The following CNTNAP5 variants were observed in gnomAD, a reference collection of about 807,000 sequenced individuals.
The protein encoded by CNTNAP5 is contactin-associated protein-like 5.
CNTNAP5 carries 72 observed loss-of-function variants against 150.2 expected under a neutral mutation model. The ratio of observed to expected loss-of-function variants is 0.48; its 90% CI spans 0.40 to 0.58. CNTNAP5 has a LOEUF of 0.58. Ranked by LOEUF, CNTNAP5 falls within the 20% of genes least tolerant of loss-of-function variation. The pLI is 0.00. For synonymous variants in CNTNAP5, 672 were observed against 619.8 expected (o/e 1.08, Z -1.25); for missense variants, 1,636 against 1,626.2 (o/e 1.01, Z -0.10).
At chr2:124,532,955 C>T (rs1332901071) in intron 10 of CNTNAP5, among the ~76,000 whole-genome samples, 1 of 152,070 alleles carries the variant, frequency 6.6e-6, no homozygotes, top group East Asian at 1.9e-4. Context: ...AAGTGCCCCG[C>T]CACCCTTTCC....
In CNTNAP5 at chr2:124,881,171, G is replaced by A. The variant is rs74738465; in HGVS notation, c.3436+11409G>A. ...GAGAGCATGGAAAGGAGCTCTCGTGGTCAGAGCTGCTGTTATCAGACTCTC... is the reference window on the plus strand; with the variant it reads ...GAGAGCATGGAAAGGAGCTCTCGTGATCAGAGCTGCTGTTATCAGACTCTC... On this transcript the variant is annotated intron_variant, in intron 21 of 23. Coordinates refer to ENST00000682447, the MANE Select transcript of CNTNAP5 (RefSeq NM_001367498.1). Among the ~76,000 whole-genome samples, 72 of 152,212 alleles carry A rather than the reference G, an allele frequency of 4.7e-4. 1 individual carries two copies. In the East Asian group the frequency reaches 0.012, roughly 26 times the overall value.
intron 13 of CNTNAP5, among the ~76,000 whole-genome samples, chr2:124,706,205 T>C (rs1157527209): frequency 6.6e-6 from 1 of 152,072 alleles, no homozygotes; most frequent in Non-Finnish European, 1.5e-5. Flanking sequence ...AAATAATTAG[T>C]TTTGTAAGGC....
intron 3 of CNTNAP5, among the ~76,000 whole-genome samples, chr2:124,281,829 C>T (rs1205712381): frequency 6.6e-6 from 1 of 152,198 alleles, no homozygotes; most frequent in Non-Finnish European, 1.5e-5. Context: ...TAGAGCTCTA[C>T]TTCCTCAGGC....
At chr2:124,379,533 C>G (rs567324829) in intron 3 of CNTNAP5, among the ~76,000 whole-genome samples, 2 of 152,044 alleles carry the variant, frequency 1.3e-5, no homozygotes, top group African/African-American at 4.8e-5. Context: ...TCTGGACATA[C>G]CACAGTTTAT....
In CNTNAP5 at chr2:124,902,916, A is replaced by G. The variant is rs1678442772; in HGVS notation, c.3471A>G (p.Ala1157=). 12 of 1,611,438 alleles carry G rather than the reference A, an allele frequency of 7.4e-6. No individual in the cohort carries two copies. The highest frequency in any genetic ancestry group is 1.0e-5 in the Non-Finnish European group (12 of 1,177,998). The change falls in exon 22 of 24, where the codon GCA becomes GCG. Residue 1157 remains alanine, a synonymous_variant. Coordinates refer to ENST00000682447, the MANE Select transcript of CNTNAP5 (RefSeq NM_001367498.1). ...GTTTGGATTCTGAAGTTGCTAAAGCAAATGCCATGGGTTTTGCTGGATGCA... is the reference window on the plus strand; with the variant it reads ...GTTTGGATTCTGAAGTTGCTAAAGCGAATGCCATGGGTTTTGCTGGATGCA... The part of the protein sequence containing the change: ...NLGLDSEVAK[A]NAMGFAGCMS...
At chr2:124,541,660 G>T (rs1452831519) in intron 10 of CNTNAP5, among the ~76,000 whole-genome samples, 1 of 152,106 alleles carries the variant, frequency 6.6e-6, no homozygotes, top group African/African-American at 2.4e-5. Context: ...AAATAATAAG[G>T]AAGGGAATAC....
chr2:124,304,362 G>A (rs576849879), intron 3 of CNTNAP5, among the ~76,000 whole-genome samples: 50 of 151,170 alleles, frequency 3.3e-4, no homozygotes, highest in African/African-American at 1.1e-3. Context: ...AATATGAGAG[G>A]GGATAACCAC....
At chr2:124,435,002 G>C (rs1056426783) in intron 5 of CNTNAP5, among the ~76,000 whole-genome samples, 9 of 152,122 alleles carry the variant, frequency 5.9e-5, no homozygotes, top group South Asian at 4.1e-4. Flanking sequence ...TTATAAGGAG[G>C]CTTGCTCAGA....
At chr2:124,443,099 G>A (rs543974084) in intron 5 of CNTNAP5, among the ~76,000 whole-genome samples, 38 of 152,054 alleles carry the variant, frequency 2.5e-4, no homozygotes, top group African/African-American at 8.9e-4. Context: ...ATACGCTTGT[G>A]CCCAAGCGAG....
intron 10 of CNTNAP5, among the ~76,000 whole-genome samples, chr2:124,554,964 A>G (rs919705498): frequency 3.9e-5 from 6 of 152,212 alleles, no homozygotes; most frequent in Non-Finnish European, 7.3e-5. Flanking sequence ...TTAAAAATTA[A>G]AAACTCAATG....
chr2:124,243,667 G>A (rs1686943351), intron 3 of CNTNAP5, among the ~76,000 whole-genome samples: 1 of 152,102 alleles, frequency 6.6e-6, no homozygotes, highest in African/African-American at 2.4e-5. Context: ...GAAGGGAGAG[G>A]TTGGGAGGAC....
At position 124,530,838 on chromosome 2, in the gene CNTNAP5, C is replaced by G. The variant is rs562494021; in HGVS notation, c.1649+3382C>G. 6.4e-4 allele frequency among the ~76,000 whole-genome samples: 97 copies of G among 152,272 alleles called. 1 individual carries two copies. Among genetic ancestry groups the G allele is most frequent in the African/African-American group, 1.9e-3 (80 of 41,548 alleles). On this transcript the variant is annotated intron_variant, in intron 10 of 23. Transcript: ENST00000682447. ...GGCCAAACCACCAGCCTCATAATCT[C>G]TACACCCTAAGCCCCTGTCCTTCAT...
chr2:124,149,189 T>C (rs1002045483), intron 1 of CNTNAP5, among the ~76,000 whole-genome samples: 1 of 152,056 alleles, frequency 6.6e-6, no homozygotes, highest in African/African-American at 2.4e-5. Flanking sequence ...AGTTAGTCTG[T>C]TCATAGCCCT....
At chr2:124,884,526 T>C (rs1163019911) in intron 21 of CNTNAP5, among the ~76,000 whole-genome samples, 2 of 152,066 alleles carry the variant, frequency 1.3e-5, no homozygotes, top group African/African-American at 2.4e-5. Flanking sequence ...AAAGGAAGTG[T>C]CTGGAATGCA....
chr2:124,518,088 C>G (rs535650950), intron 8 of CNTNAP5, among the ~76,000 whole-genome samples: 192 of 152,074 alleles, frequency 1.3e-3, no homozygotes, highest in African/African-American at 4.4e-3. Flanking sequence ...AAATAATAAG[C>G]CAGTCCAGAA....
At chr2:124,163,851 G>T (rs1684745508) in intron 1 of CNTNAP5, among the ~76,000 whole-genome samples, 1 of 104,036 alleles carries the variant, frequency 9.6e-6, no homozygotes, top group African/African-American at 3.5e-5. Flanking sequence ...TATTGCTTCT[G>T]CATGCCTCTA....
chr2:124,721,967 C>T (rs930640210), intron 13 of CNTNAP5, among the ~76,000 whole-genome samples: 1 of 152,056 alleles, frequency 6.6e-6, no homozygotes, highest in East Asian at 1.9e-4. Flanking sequence ...AGCCTTTCTT[C>T]TCTGCTTGCA....
At chr2:124,435,368 A>C (rs1263635194) in intron 5 of CNTNAP5, among the ~76,000 whole-genome samples, 1 of 152,112 alleles carries the variant, frequency 6.6e-6, no homozygotes, top group African/African-American at 2.4e-5. Context: ...CCAGAGAAGG[A>C]GGAGAGAGGC....
intron 5 of CNTNAP5, among the ~76,000 whole-genome samples, chr2:124,445,081 CTTTTTTTTTT>C (rs1006938474): frequency 7.6e-6 from 1 of 131,840 alleles, no homozygotes; most frequent in African/African-American, 2.8e-5. Context: ...ACACAAATAT[CTTTTTTTTTT>C]TTTTTTTTTT....
Sources: gnomAD v4.1 joint callset for allele counts (sites outside exome capture counted in the v4.1 genomes callset) on GRCh38, gnomAD v4.1.1 for gene constraint, MANE v1.5 for transcripts, NCBI Gene and HGNC (gene_info 2026-07-23, HGNC 2026-07-21) for gene names.